CSMD1: variants seen among roughly 807,000 people sequenced by gnomAD.
The protein encoded by CSMD1 is CUB and Sushi multiple domains 1.
CSMD1 carries 213 observed loss-of-function variants against 417.5 expected under a neutral mutation model. The observed-to-expected ratio is 0.51, with a 90% CI of 0.46 to 0.57. The LOEUF is 0.57. Among genes scored for constraint, CSMD1 ranks in the 20% least tolerant of loss-of-function variants. CSMD1 has a pLI of 0.00. For synonymous variants in CSMD1, 2,862 were observed against 1,736.8 expected, an observed-to-expected ratio of 1.65 and a Z score of -16.11; for missense variants, 6,923 against 4,529.7, an observed-to-expected ratio of 1.53 and a Z score of -15.17.
At chr8:2,940,658 T>C (rs1386692944) in intron 69 of CSMD1, among the ~76,000 whole-genome samples, 2 of 152,194 alleles carry the variant, frequency 1.3e-5, no homozygotes, top group African/African-American at 2.4e-5. Flanking sequence ...CAATGCTACA[T>C]TGCCTTAAAG....
chr8:3,488,449 G>T (rs183833450), intron 11 of CSMD1, among the ~76,000 whole-genome samples: 202 of 152,204 alleles, frequency 1.3e-3, no homozygotes, highest in African/African-American at 4.7e-3. Flanking sequence ...GGCTAAAACC[G>T]ATAGATAAAT....
intron 5 of CSMD1, among the ~76,000 whole-genome samples, chr8:3,903,304 T>G (rs1375185955): frequency 6.9e-6 from 1 of 144,258 alleles, no homozygotes; most frequent in Non-Finnish European, 1.5e-5. Context: ...TTTTAGAATA[T>G]CCAGGATGAA....
intron 2 of CSMD1, among the ~76,000 whole-genome samples, chr8:4,569,177 G>A (rs1008778647): frequency 1.3e-5 from 2 of 152,134 alleles, no homozygotes; most frequent in African/African-American, 4.8e-5. Context: ...TCTGGCTTTT[G>A]TTGCCATTTC....
chr8:3,359,705 T>G (rs1202596493), intron 20 of CSMD1, among the ~76,000 whole-genome samples: 3 of 152,100 alleles, frequency 2.0e-5, no homozygotes. Context: ...CTATAGTGAG[T>G]AATAATACAG....
intron 9 of CSMD1, among the ~76,000 whole-genome samples, chr8:3,583,171 A>T (rs141073204): frequency 6.6e-6 from 1 of 151,918 alleles, no homozygotes; most frequent in African/African-American, 2.4e-5. Context: ...AGCCCTACCA[A>T]TCATGTGAGC....
chr8:3,405,014 G>A (rs536769908), intron 15 of CSMD1, among the ~76,000 whole-genome samples: 13 of 152,028 alleles, frequency 8.6e-5, no homozygotes, highest in African/African-American at 3.1e-4. Flanking sequence ...ATGACTCAAA[G>A]GACAAGAATA....
intron 6 of CSMD1, among the ~76,000 whole-genome samples, chr8:3,729,898 GAATT>G (rs1802725483): frequency 9.9e-6 from 1 of 100,534 alleles, no homozygotes; most frequent in African/African-American, 4.0e-5. Context: ...CAAATCTACA[GAATT>G]ATTATTTGCC....
chr8:3,259,398 C>G lies in CSMD1; in HGVS notation c.4153+24746G>C, dbSNP rs1251407190. 6.0e-5 allele frequency among the ~76,000 whole-genome samples: 9 copies of G among 150,738 alleles called. No individual in the cohort carries two copies. The Admixed American group carries it at 6.0e-4, about 10-fold the overall frequency. On this transcript the variant is annotated intron_variant, in intron 26 of 69. Coordinates refer to ENST00000635120, the MANE Select transcript of CSMD1 (RefSeq NM_033225.6). ...TGGAGGCTGCAGGTTTACGGACACT[C>G]AGTAATCCTGATGGCCTGAATGAAT...
At chr8:3,021,724 A>C (rs1173257611) in intron 51 of CSMD1, among the ~76,000 whole-genome samples, 2 of 118,940 alleles carry the variant, frequency 1.7e-5, no homozygotes, top group Non-Finnish European at 3.9e-5. Context: ...TGCACCTGCA[A>C]TCCCGCAGCA....
intron 3 of CSMD1, among the ~76,000 whole-genome samples, chr8:4,038,041 CAG>C (rs1374805798): frequency 2.0e-5 from 3 of 151,980 alleles, no homozygotes; most frequent in African/African-American, 7.2e-5. Context: ...AAATAAGTAT[CAG>C]AGGCTTAAAA....
At chr8:4,740,906 T>G (rs931463290) in intron 1 of CSMD1, among the ~76,000 whole-genome samples, 4 of 152,196 alleles carry the variant, frequency 2.6e-5, no homozygotes, top group Admixed American at 1.3e-4. Context: ...CAGCTAACTT[T>G]CCTGACTTTA....
rs575801938 is a variant in CSMD1, at chr8:4,795,003, G to C, written c.86-157445C>G. ...AGAAAGAATGGTGCCTTAGGAAGTT[G>C]GGTAGAAAGGTCAAAGAAAGATGTG... is the stretch of plus-strand genomic sequence containing the variant. On this transcript the variant is annotated intron_variant, in intron 1 of 69. Transcript: ENST00000635120. 1.3e-4 allele frequency among the ~76,000 whole-genome samples: 20 copies of C among 151,624 alleles called. No homozygotes were observed. In the South Asian group the frequency reaches 3.6e-3, roughly 27 times the overall value.
chr8:3,629,579 G>A (rs139508477), intron 7 of CSMD1, among the ~76,000 whole-genome samples: 93 of 152,200 alleles, frequency 6.1e-4, no homozygotes, highest in African/African-American at 2.2e-3. Flanking sequence ...TTATTTCAGT[G>A]TTTTCTTTCA....
At chr8:3,386,802 G>A (rs889419247) in intron 18 of CSMD1, among the ~76,000 whole-genome samples, 1 of 152,014 alleles carries the variant, frequency 6.6e-6, no homozygotes, top group Non-Finnish European at 1.5e-5. Flanking sequence ...GTTATACTGG[G>A]GTTATATTCA....
At chr8:3,871,044 T>C (rs1309455445) in intron 5 of CSMD1, among the ~76,000 whole-genome samples, 1 of 152,106 alleles carries the variant, frequency 6.6e-6, no homozygotes. Context: ...AATCTCCATC[T>C]TTGTGTATTA....
chr8:4,970,980 G>C (rs1055624400), intron 1 of CSMD1, among the ~76,000 whole-genome samples: 66 of 152,210 alleles, frequency 4.3e-4, no homozygotes, highest in African/African-American at 1.5e-3. Context: ...AGAATAATAA[G>C]AGTGTTATTT....
intron 5 of CSMD1, among the ~76,000 whole-genome samples, chr8:3,821,490 A>C (rs548730526): frequency 2.1e-5 from 3 of 145,694 alleles, no homozygotes; most frequent in East Asian, 3.9e-4. Flanking sequence ...GCTCCATTAA[A>C]GTCTACCAGG....
At chr8:3,856,539 A>G (rs1804325818) in intron 5 of CSMD1, among the ~76,000 whole-genome samples, 2 of 152,136 alleles carry the variant, frequency 1.3e-5, no homozygotes, top group South Asian at 2.1e-4. Flanking sequence ...AAATGCAACG[A>G]CTGTCCACAT....
At chr8:3,042,516 C>A (rs530076040) in intron 50 of CSMD1, among the ~76,000 whole-genome samples, 1 of 149,328 alleles carries the variant, frequency 6.7e-6, no homozygotes, top group African/African-American at 2.6e-5. Context: ...AACCTGCTTA[C>A]GGGAATCCCG....
Sources: gnomAD v4.1 joint callset for allele counts (sites outside exome capture counted in the v4.1 genomes callset) on GRCh38, gnomAD v4.1.1 for gene constraint, MANE v1.5 for transcripts, NCBI Gene and HGNC (gene_info 2026-07-23, HGNC 2026-07-21) for gene names.